The following CNDP1 variants were observed in gnomAD, a reference collection of about 807,000 sequenced individuals.
CNDP1 encodes carnosine dipeptidase 1, also known as beta-Ala-His dipeptidase.
In CNDP1, 44 loss-of-function variants were observed where a neutral mutation model predicts 58.1. That is an observed-to-expected ratio of 0.76 (90% CI 0.60 to 0.97). CNDP1 has a LOEUF of 0.97. Among genes scored for constraint, CNDP1 ranks in the 50% least tolerant of loss-of-function variants. The pLI is 0.00. For synonymous variants in CNDP1, 254 were observed against 252.6 expected (o/e 1.01, Z -0.05); for missense variants, 616 against 655.1 (o/e 0.94, Z 0.65).
chr18:74,561,977 G>A (rs9967490), intron 4 of CNDP1, 70 bp from the exon 5 acceptor site: 381,641 of 1,299,426 alleles, frequency 0.29, 60,057 homozygotes, highest in African/African-American at 0.56. Flanking sequence ...CCCATGAAAC[G>A]ACATTGGTTT....
intron 3 of CNDP1, among the ~76,000 whole-genome samples, chr18:74,560,111 G>C (rs1981150349): frequency 6.7e-6 from 1 of 149,734 alleles, no homozygotes; most frequent in African/African-American, 2.5e-5. Context: ...CCAGGTCCCA[G>C]TTCAAGCAAT....
intron 10 of CNDP1, among the ~76,000 whole-genome samples, chr18:74,583,151 C>T (rs538263989): frequency 1.3e-5 from 2 of 152,206 alleles, no homozygotes; most frequent in Non-Finnish European, 2.9e-5. Context: ...GGATTACAGG[C>T]ATATACCACC....
At chr18:74,544,914 C>G (rs1173766036) in intron 1 of CNDP1, among the ~76,000 whole-genome samples, 1 of 151,912 alleles carries the variant, frequency 6.6e-6, no homozygotes, top group Non-Finnish European at 1.5e-5. Flanking sequence ...GCCCTAAATC[C>G]AAAACTCAGT....
intron 6 of CNDP1, 31 bp from the exon 7 acceptor site, chr18:74,571,155 G>A: frequency 1.4e-6 from 2 of 1,447,638 alleles, no homozygotes; most frequent in Non-Finnish European, 1.9e-6. Context: ...AAGGCAGGAA[G>A]TATATCTCTT....
chr18:74,578,551 C>T lies in CNDP1; in HGVS notation c.1167+224C>T, dbSNP rs150744076. On this transcript the variant is annotated intron_variant, in intron 9 of 11. Coordinates refer to ENST00000358821, the MANE Select transcript of CNDP1 (RefSeq NM_032649.6). ...CCAAGGCTAGAGGATCCCTTAAGCC[C>T]AGGGGTTTAAGGCTGCAGTGAGCTA... Among the ~76,000 whole-genome samples, 16 of 152,150 alleles carry T rather than the reference C, an allele frequency of 1.1e-4. No individual in the cohort carries two copies. The East Asian group carries it at 3.1e-3, about 29-fold the overall frequency.
At position 74,585,815 on chromosome 18, in the gene CNDP1, T is replaced by C. The variant is rs1981897242; in HGVS notation, c.*1253T>C. ...TTCGAGATCAGCCTGGCTAACATGG[T>C]GAAACCCTGTCTCTACTGAATATAC... is the stretch of plus-strand genomic sequence containing the variant. On this transcript the variant is annotated 3_prime_UTR_variant, in exon 12 of 12. Coordinates refer to ENST00000358821, the MANE Select transcript of CNDP1 (RefSeq NM_032649.6). 6.6e-6 allele frequency: 1 copy of C among 151,632 alleles called. No homozygotes were observed. The highest frequency in any genetic ancestry group is 2.4e-5 in the African/African-American group (1 of 41,314). The allele number at this position is 151,632 out of a possible 1,614,324, so 9.4% of individuals were successfully genotyped here. A position where few individuals can be genotyped will look rare whatever the true frequency, so the allele number is the denominator to read the frequency against.
chr18:74,565,682 G>A (rs1215320459), intron 5 of CNDP1, among the ~76,000 whole-genome samples: 2 of 152,236 alleles, frequency 1.3e-5, no homozygotes, highest in African/African-American at 4.8e-5. Flanking sequence ...CTGCCCCTGT[G>A]GCTTTGCAGG....
intron 2 of CNDP1, among the ~76,000 whole-genome samples, chr18:74,558,949 G>A (rs536886195): frequency 6.6e-6 from 1 of 152,196 alleles, no homozygotes; most frequent in East Asian, 1.9e-4. Context: ...GGGAAGCCAG[G>A]AGTCCTGGAG....
chr18:74,549,102 G>T (rs1203021130), intron 1 of CNDP1, among the ~76,000 whole-genome samples: 1 of 152,166 alleles, frequency 6.6e-6, no homozygotes, highest in East Asian at 1.9e-4. Flanking sequence ...TTTACCCTGA[G>T]ATAACTTTGC....
intron 1 of CNDP1, among the ~76,000 whole-genome samples, chr18:74,547,780 C>A (rs1426256): frequency 2.0e-5 from 3 of 152,106 alleles, no homozygotes; most frequent in Non-Finnish European, 4.4e-5. Context: ...GCCCCAGGAC[C>A]TCTCGCTTCG....
At position 74,585,788 on chromosome 18, in the gene CNDP1, A is replaced by G. The variant is rs1981896288; in HGVS notation, c.*1226A>G. ...GGTGGGCGGATCACCTGAGGTCGGG[A>G]GTTCGAGATCAGCCTGGCTAACATG... On this transcript the variant is annotated 3_prime_UTR_variant, in exon 12 of 12. Coordinates refer to ENST00000358821, the MANE Select transcript of CNDP1 (RefSeq NM_032649.6). 6.6e-5 allele frequency: 10 copies of G among 152,100 alleles called. No individual in the cohort carries two copies. The Middle Eastern group carries it at 0.014, about 208-fold the overall frequency. The allele number at this position is 152,100 out of a possible 1,614,324, so 9.4% of individuals were successfully genotyped here.
chr18:74,548,094 TC>T (rs1165065333), intron 1 of CNDP1, among the ~76,000 whole-genome samples: 1 of 152,130 alleles, frequency 6.6e-6, no homozygotes, highest in African/African-American at 2.4e-5. Context: ...AAGCGCAACT[TC>T]CTGTTCTTCA....
intron 1 of CNDP1, among the ~76,000 whole-genome samples, chr18:74,546,559 C>A (rs1169605107): frequency 6.6e-6 from 1 of 152,180 alleles, no homozygotes; most frequent in Non-Finnish European, 1.5e-5. Flanking sequence ...CGTGCCACCC[C>A]CCTGAGGGCA....
chr18:74,556,514 T>G, intron 2 of CNDP1, 48 bp downstream of exon 2: 3 of 1,605,652 alleles, frequency 1.9e-6, no homozygotes, highest in Non-Finnish European at 2.6e-6. Context: ...TTGGATTATA[T>G]CCTTTGGTAT....
In CNDP1 at chr18:74,585,205, A is replaced by G. The variant is rs1328100974; in HGVS notation, c.*643A>G. On this transcript the variant is annotated 3_prime_UTR_variant, in exon 12 of 12. Coordinates refer to ENST00000358821, the MANE Select transcript of CNDP1 (RefSeq NM_032649.6). ...TGCAAAGATGAGTATTTTTTTTTTT[A>G]TTCCAAGCTTCTTTACCTTTCCTGA... 2 of 149,470 alleles carry G rather than the reference A, an allele frequency of 1.3e-5. No individual in the cohort carries two copies. Among genetic ancestry groups the G allele is most frequent in the East Asian group, 3.9e-4 (2 of 5,126 alleles). 9.3% of individuals were successfully genotyped at this position (149,470 alleles called of 1,614,324 possible).
rs146856300 is a variant in CNDP1 at position 74,559,357 on chromosome 18, C to T, written c.188C>T (p.Ser63Phe). The change falls in exon 3 of 12, where the codon TCT (serine) becomes TTT (phenylalanine). Residue 63 changes from serine to phenylalanine, a missense_variant. Physicochemically the swap from Ser to Phe is radical, Grantham distance 155. Coordinates refer to ENST00000358821, the MANE Select transcript of CNDP1 (RefSeq NM_032649.6). ...LKEWVAIESDSVQPVPRFRQE... is the reference protein window; with the variant it reads ...LKEWVAIESDFVQPVPRFRQE... ...GAGTGGGTGGCCATCGAGAGCGACTCTGTCCAGCCTGTGCCTCGCTTCAGA... is the reference window on the plus strand; with the variant it reads ...GAGTGGGTGGCCATCGAGAGCGACTTTGTCCAGCCTGTGCCTCGCTTCAGA... The T allele has an allele frequency of 1.2e-6, 2 of 1,614,130 alleles. No homozygotes were observed. The highest frequency in any genetic ancestry group is 1.3e-5 in the African/African-American group (1 of 75,054).
Position 74,571,266 on chromosome 18 carries a change from T to C in CNDP1, c.837T>C (p.Leu279=). The C allele has an allele frequency of 6.2e-7, 1 of 1,605,664 alleles. No homozygotes were observed. The highest frequency in any genetic ancestry group is 2.2e-5 in the East Asian group (1 of 44,842). Residue 279 remains leucine, a synonymous_variant, in exon 7 of 12, where the codon CTT becomes CTC. Transcript: ENST00000358821. ...AACCAATGGCTGATCTGGTTGCTCT[T>C]CTCGGTAATGCCTTATTTTGTTTCA... ...LHEPMADLVA[L]LGSLVDSSGH...
At chr18:74,535,578 GAC>G (rs1455327327) in intron 1 of CNDP1, among the ~76,000 whole-genome samples, 2 of 5,038 alleles carry the variant, frequency 4.0e-4, no homozygotes, top group Admixed American at 4.3e-3. Flanking sequence ...TTCCATTGCT[GAC>G]TTTTTTTTTT....
At chr18:74,534,875 T>C (rs539873457) in intron 1 of CNDP1, among the ~76,000 whole-genome samples, 184 bp downstream of exon 1, 25 of 152,374 alleles carry the variant, frequency 1.6e-4, no homozygotes, top group African/African-American at 6.0e-4. Flanking sequence ...TTATATTTTA[T>C]CAGTAATGCT....
Sources: gnomAD v4.1 joint callset for allele counts (sites outside exome capture counted in the v4.1 genomes callset) on GRCh38, gnomAD v4.1.1 for gene constraint, MANE v1.5 for transcripts, NCBI Gene and HGNC (gene_info 2026-07-23, HGNC 2026-07-21) for gene names.